The following ZNF462 variants were observed in gnomAD, a reference collection of about 807,000 sequenced individuals.
ZNF462 encodes the protein zinc finger protein 462, also known as zinc finger PBX1-interacting protein.
A neutral mutation model predicts 201.9 loss-of-function variants in ZNF462; 10 were observed. That is an observed-to-expected ratio of 0.05 (90% confidence interval 0.03 to 0.08). The LOEUF is 0.08. Ranked by LOEUF, ZNF462 falls within the 10% of genes least tolerant of loss-of-function variation. The pLI is 1.00. For synonymous variants in ZNF462, 1,227 were observed against 1,193.3 expected, an observed-to-expected ratio of 1.03 and a Z score of -0.58; for missense variants, 2,523 against 3,168.3, an observed-to-expected ratio of 0.80 and a Z score of 4.89.
chr9:106,942,551 T>C (rs1424133095), intron 7 of ZNF462, among the ~76,000 whole-genome samples: 1 of 152,208 alleles, frequency 6.6e-6, no homozygotes, highest in Non-Finnish European at 1.5e-5. Context: ...ATTGCTATTC[T>C]AAACAATGCA....
rs892325202 is a variant in ZNF462, at chr9:107,003,211, G to C, written c.7057-83G>C. ...TGCAAAACCACAGTCACAGGAAAAT[G>C]ATGTTAGAAAGATCTCTCCATCAGG... On this transcript the variant is annotated intron_variant, in intron 10 of 12. Coordinates refer to ENST00000277225, the MANE Select transcript of ZNF462 (RefSeq NM_021224.6). This position sits in a 1 kb window ranked among gnomAD's most constrained non-coding sequence, Gnocchi z 4.4. The C allele has an allele frequency of 1.9e-6, 3 of 1,545,522 alleles. No individual in the cohort carries two copies. In the African/African-American group the frequency reaches 4.2e-5, roughly 21 times the overall value.
At position 106,880,525 on chromosome 9, in the gene ZNF462, C is replaced by A. The variant is rs1267264868; in HGVS notation, c.-31+17170C>A. Reference sequence around the variant, plus strand: ...ATCTAAAATTAGCCACATCTCCTAACCCAAGTGTGGACTTTGTGTTTGTTT... The same window carrying A: ...ATCTAAAATTAGCCACATCTCCTAAACCAAGTGTGGACTTTGTGTTTGTTT... On this transcript the variant is annotated intron_variant, in intron 1 of 12. Transcript: ENST00000277225. The surrounding 1 kb of genome is among the most constrained non-coding windows in gnomAD (Gnocchi z 4.1). 6.6e-6 allele frequency among the ~76,000 whole-genome samples: 1 copy of A among 152,212 alleles called. No individual in the cohort carries two copies. Among genetic ancestry groups the A allele is most frequent in the East Asian group, 1.9e-4 (1 of 5,196 alleles).
intron 7 of ZNF462, among the ~76,000 whole-genome samples, chr9:106,958,275 TCACCTGCTCC>T (rs1177668602): frequency 6.6e-6 from 1 of 152,070 alleles, no homozygotes; most frequent in East Asian, 1.9e-4. Flanking sequence ...GGCCACTATC[TCACCTGCTCC>T]CTGCTTAAAG....
chr9:106,903,727 A>G (rs183732587), intron 1 of ZNF462, among the ~76,000 whole-genome samples: 17 of 152,184 alleles, frequency 1.1e-4, no homozygotes, highest in Admixed American at 5.9e-4. Flanking sequence ...GTTTTGTCTG[A>G]TATAAGAATA....
rs974037426 is a variant in ZNF462, at chr9:106,932,538, T to A, written c.6105T>A (p.Ala2035=). 1 of 1,614,226 alleles carries A rather than the reference T, an allele frequency of 6.2e-7. No homozygotes were observed. Among genetic ancestry groups the A allele is most frequent in the African/African-American group, 1.3e-5 (1 of 75,058 alleles). ...GCCAGTATTGCTCGTTTGTTTCTGC[T>A]TTCAGGCACAAGTAAGTGCTATTGG... The part of the protein sequence containing the change: ...YSCQYCSFVS[A]FRHNLDRHMQ... Residue 2035 remains alanine, a synonymous_variant, in exon 5 of 13, where the codon GCT becomes GCA. Coordinates refer to ENST00000277225, the MANE Select transcript of ZNF462 (RefSeq NM_021224.6). The surrounding 1 kb of genome is among the most constrained non-coding windows in gnomAD (Gnocchi z 6.8).
chr9:106,960,418 G>A (rs1341619377), intron 7 of ZNF462, among the ~76,000 whole-genome samples: 1 of 152,062 alleles, frequency 6.6e-6, no homozygotes, highest in Non-Finnish European at 1.5e-5. Flanking sequence ...ACCATCTGAG[G>A]TTGCTCACAA....
chr9:106,999,538 C>G (rs1564164259), intron 10 of ZNF462, among the ~76,000 whole-genome samples: 1 of 152,212 alleles, frequency 6.6e-6, no homozygotes, highest in East Asian at 1.9e-4. Context: ...CATATGCCTA[C>G]TTGATGAAAT....
At chr9:106,959,517 T>G (rs947148861) in intron 7 of ZNF462, among the ~76,000 whole-genome samples, 1 of 152,072 alleles carries the variant, frequency 6.6e-6, no homozygotes, top group African/African-American at 2.4e-5. Context: ...ATTGGTCTTA[T>G]ATAATCTCCA....
At chr9:106,971,579 TA>T (rs565277908) in intron 7 of ZNF462, among the ~76,000 whole-genome samples, 1,638 of 130,848 alleles carry the variant, frequency 0.013, 14 homozygotes, top group South Asian at 0.024. Context: ...TCATCCCTCT[TA>T]AAAAAAAAAA....
intron 11 of ZNF462, among the ~76,000 whole-genome samples, chr9:107,007,047 G>A (rs1257191101): frequency 2.6e-5 from 4 of 152,054 alleles, no homozygotes; most frequent in Non-Finnish European, 4.4e-5. Context: ...TCTGGGAGAG[G>A]ATACTTTTGA....
chr9:106,901,713 T>A (rs1311869498), intron 1 of ZNF462, among the ~76,000 whole-genome samples: 3 of 152,312 alleles, frequency 2.0e-5, no homozygotes, highest in Non-Finnish European at 4.4e-5. Context: ...GATTTGATTC[T>A]CTGCTTGGCT....
intron 10 of ZNF462, among the ~76,000 whole-genome samples, chr9:106,992,163 G>C (rs554187518): frequency 6.6e-6 from 1 of 151,956 alleles, no homozygotes; most frequent in African/African-American, 2.4e-5. Context: ...AAGCAATTCA[G>C]TTAAAAATGA....
At chr9:106,906,910 T>G (rs117378213) in intron 1 of ZNF462, among the ~76,000 whole-genome samples, 1 of 152,340 alleles carries the variant, frequency 6.6e-6, no homozygotes, top group East Asian at 1.9e-4. Context: ...ACAAATGCAT[T>G]GGCTAGCATT....
upstream of ZNF462, among the ~76,000 whole-genome samples, chr9:106,862,806 C>CT (rs985479526): frequency 6.6e-6 from 1 of 152,176 alleles, no homozygotes. The surrounding 1 kb of genome is among the most constrained non-coding windows in gnomAD (Gnocchi z 4.2). Flanking sequence ...AATTCTTCCT[C>CT]TTTTTTCCCC....
At chr9:106,957,871 A>C (rs2131855912) in intron 7 of ZNF462, among the ~76,000 whole-genome samples, 1 of 152,202 alleles carries the variant, frequency 6.6e-6, no homozygotes, top group Non-Finnish European at 1.5e-5. Flanking sequence ...GCACTTGGTC[A>C]CCTGTTCTAC....
At chr9:106,878,885 C>A (rs1020456985) in intron 1 of ZNF462, among the ~76,000 whole-genome samples, 5 of 152,134 alleles carry the variant, frequency 3.3e-5, no homozygotes, top group African/African-American at 9.7e-5. Context: ...AGTAGAGTTT[C>A]CAGTTATTTT....
rs1588054457 is a variant in ZNF462 at position 106,919,824 on chromosome 9, C to T, written c.-30-3530C>T. Among the ~76,000 whole-genome samples, 1 of 152,112 alleles carries T rather than the reference C, an allele frequency of 6.6e-6. No individual in the cohort carries two copies. Among genetic ancestry groups the T allele is most frequent in the Admixed American group, 6.5e-5 (1 of 15,274 alleles). On this transcript the variant is annotated intron_variant, in intron 1 of 12. Transcript: ENST00000277225. This position sits in a 1 kb window ranked among gnomAD's most constrained non-coding sequence, Gnocchi z 4.5. Reference sequence around the variant, plus strand: ...GTCTAGGCATCTGAGGTCTATTTGACCTTGAAGGGCCTAGACATATATCTG... The same window carrying T: ...GTCTAGGCATCTGAGGTCTATTTGATCTTGAAGGGCCTAGACATATATCTG...
chr9:106,866,313 A>G lies in ZNF462; in HGVS notation c.-31+2958A>G, dbSNP rs532475730. Among the ~76,000 whole-genome samples, 3 of 152,288 alleles carry G rather than the reference A, an allele frequency of 2.0e-5. No homozygotes were observed. In the South Asian group the frequency reaches 6.2e-4, roughly 32 times the overall value. ...ATATTGAAGTGGTTTTAGATTCCAGATGTAATTATATTCTGTTGAGTAGCT... is the reference window on the plus strand; with the variant it reads ...ATATTGAAGTGGTTTTAGATTCCAGGTGTAATTATATTCTGTTGAGTAGCT... On this transcript the variant is annotated intron_variant, in intron 1 of 12. Transcript: ENST00000277225.
chr9:106,965,926 T>A (rs1287305359), intron 7 of ZNF462, among the ~76,000 whole-genome samples: 2 of 152,134 alleles, frequency 1.3e-5, no homozygotes, highest in Non-Finnish European at 2.9e-5. Flanking sequence ...GTTTCCTGGC[T>A]ATTAAATAAA....
Sources: gnomAD v4.1 joint callset for allele counts (sites outside exome capture counted in the v4.1 genomes callset) on GRCh38, gnomAD v4.1.1 for gene constraint, Gnocchi (gnomAD v3.1) non-coding constraint, MANE v1.5 for transcripts, NCBI Gene and HGNC (gene_info 2026-07-23, HGNC 2026-07-21) for gene names.